The following CAPN11 variants were observed in gnomAD, a reference collection of about 807,000 sequenced individuals.
CAPN11 encodes calpain 11, also known as calpain-11.
A neutral mutation model predicts 105.3 loss-of-function variants in CAPN11; 108 were observed. That is an observed-to-expected ratio of 1.03 (90% CI 0.88 to 1.20). The LOEUF is 1.20. Ranked by LOEUF, CAPN11 falls within the 50% of genes most tolerant of loss-of-function variation. The pLI is 0.00. For synonymous variants in CAPN11, 329 were observed against 344.5 expected (o/e 0.96, Z 0.50); for missense variants, 883 against 924.8 (o/e 0.95, Z 0.59).
At chr6:44,181,468 CTCACATACAGACACA>C (rs1773237196) in intron 19 of CAPN11, 148 bp downstream of exon 19, 1 of 235,654 alleles carries the variant, frequency 4.2e-6, no homozygotes, top group African/African-American at 5.4e-5. Context: ...CACACACACA[CTCACATACAGACACA>C]ACCACACCAC....
chr6:44,181,519 GACACAACCACACCACACTCACACA>G (rs1773314310), intron 19 of CAPN11, among the ~76,000 whole-genome samples, 199 bp downstream of exon 19: 3 of 46,428 alleles, frequency 6.5e-5, no homozygotes, highest in Admixed American at 2.6e-4. Flanking sequence ...CTCACATACA[GACACAACCACACCACACTCACACA>G]CACACACACT....
Position 44,162,593 on chromosome 6 carries a change from C to G in CAPN11, c.16+3729C>G, listed in dbSNP as rs78862909. 2.2e-3 allele frequency among the ~76,000 whole-genome samples: 331 copies of G among 152,282 alleles called. 2 individuals are homozygous for G. Among genetic ancestry groups the G allele is most frequent in the African/African-American group, 7.8e-3 (322 of 41,546 alleles). ...TTCCCAGCCCTGATGCTTCCAGAAC[C>G]AGGACGTCAAAGTGCACCCCACCCT... On this transcript the variant is annotated intron_variant, in intron 1 of 22. Transcript: ENST00000398776.
chr6:44,161,812 C>G, intron 1 of CAPN11: 1 of 456,280 alleles, frequency 2.2e-6, no homozygotes, highest in Non-Finnish European at 4.4e-6. Flanking sequence ...GCTCAACACC[C>G]TCAGTCCTCG....
chr6:44,180,236 T>A (rs1353483076), intron 14 of CAPN11, 73 bp downstream of exon 14: 3 of 1,143,672 alleles, frequency 2.6e-6, no homozygotes, highest in Non-Finnish European at 3.8e-6. Flanking sequence ...AGGGAGCTGC[T>A]GTCGGGTCCT....
chr6:44,179,857 C>T, intron 13 of CAPN11, 95 bp from the exon 14 acceptor site: 2 of 1,051,192 alleles, frequency 1.9e-6, no homozygotes, highest in Non-Finnish European at 2.9e-6. Flanking sequence ...GTGGCACCTA[C>T]CTCCAACCCT....
At position 44,176,267 on chromosome 6, in the gene CAPN11, C is replaced by T. The variant is rs765577067; in HGVS notation, c.930C>T (p.Gly310=). The part of the protein sequence containing the change: ...VTGLQDVHYR[G]KMETLIRVRN... ...CGCCCACCCAGGTCCACTACAGAGGCAAAATGGAAACACTGATTCGGGTCC... is the reference window on the plus strand; with the variant it reads ...CGCCCACCCAGGTCCACTACAGAGGTAAAATGGAAACACTGATTCGGGTCC... The change falls in exon 9 of 23, where the codon GGC becomes GGT. Residue 310 remains glycine, a synonymous_variant. Transcript: ENST00000398776. The T allele has an allele frequency of 1.2e-6, 2 of 1,613,900 alleles. No homozygotes were observed. The highest frequency in any genetic ancestry group is 1.1e-5 in the South Asian group (1 of 91,080).
At position 44,169,327 on chromosome 6, in the gene CAPN11, C is replaced by A. The variant is rs757751808; in HGVS notation, c.135C>A (p.Ser45Arg). Residue 45 changes from serine (S) to arginine (R), a missense_variant, in exon 3 of 23, where the codon AGC becomes AGA. Transcript: ENST00000398776. ...GAATGGTGGCTCACATAAACAACAG[C>A]CGGCTCAAGGCCAAGGGCGTGGGCC... ...DTGMVAHINNSRLKAKGVGQH... is the reference protein window; with the variant it reads ...DTGMVAHINNRRLKAKGVGQH... 3 of 1,613,760 alleles carry A rather than the reference C, an allele frequency of 1.9e-6. No individual in the cohort carries two copies. The highest frequency in any genetic ancestry group is 2.2e-5 in the South Asian group (2 of 91,042).
intron 19 of CAPN11, among the ~76,000 whole-genome samples, chr6:44,182,291 A>C (rs199866095): frequency 1.1e-5 from 1 of 89,448 alleles, no homozygotes. Flanking sequence ...CACACCACAC[A>C]CACACACACA....
intron 12 of CAPN11, among the ~76,000 whole-genome samples, chr6:44,177,972 C>T (rs992788869): frequency 7.2e-5 from 11 of 152,170 alleles, no homozygotes; most frequent in African/African-American, 2.7e-4. Flanking sequence ...ATCCTTCCAC[C>T]TCAGCCTCCT....
rs2128320245 is a variant in CAPN11, at chr6:44,183,989, C to A, written c.*57C>A. 1 of 1,544,120 alleles carries A rather than the reference C, an allele frequency of 6.5e-7. No individual in the cohort carries two copies. The highest frequency in any genetic ancestry group is 8.8e-7 in the Non-Finnish European group (1 of 1,140,824). ...GCAGCAGCAGCAGCGAGGTTCTAGC[C>A]CAGGAGGGTGGGGTGCTTCTTGTAG... On this transcript the variant is annotated 3_prime_UTR_variant, in exon 23 of 23. Coordinates refer to ENST00000398776, the MANE Select transcript of CAPN11 (RefSeq NM_007058.4).
chr6:44,160,904 C>T (rs1335402751), intron 1 of CAPN11, among the ~76,000 whole-genome samples: 1 of 152,152 alleles, frequency 6.6e-6, no homozygotes, highest in East Asian at 1.9e-4. Flanking sequence ...GCTTACTGTG[C>T]CTAATTTATA....
In CAPN11 at chr6:44,184,227, C is replaced by G; in HGVS notation, c.*295C>G. On this transcript the variant is annotated 3_prime_UTR_variant, in exon 23 of 23. Coordinates refer to ENST00000398776, the MANE Select transcript of CAPN11 (RefSeq NM_007058.4). ...TTACTAAAGAGTAGTTGATGCTTCCCCAGGGTCCCCCTGGCTGGGGAGGCC... is the reference window on the plus strand; with the variant it reads ...TTACTAAAGAGTAGTTGATGCTTCCGCAGGGTCCCCCTGGCTGGGGAGGCC... 2.1e-6 allele frequency: 1 copy of G among 478,870 alleles called. No homozygotes were observed. 29.7% of individuals were successfully genotyped at this position (478,870 alleles called of 1,614,324 possible). A position where few individuals can be genotyped will look rare whatever the true frequency, so the allele number is the denominator to read the frequency against.
chr6:44,169,184 T>G (rs1770543610), intron 2 of CAPN11, 97 bp from the exon 3 acceptor site: 1 of 1,332,900 alleles, frequency 7.5e-7, no homozygotes, highest in African/African-American at 1.5e-5. Context: ...TCCTCCCACC[T>G]CAGCCTCCCA....
At chr6:44,175,195 C>T (rs1275269859) in intron 7 of CAPN11, among the ~76,000 whole-genome samples, 1 of 152,084 alleles carries the variant, frequency 6.6e-6, no homozygotes, top group Non-Finnish European at 1.5e-5. Context: ...TATCAGCATT[C>T]TGGGCTGGGC....
At chr6:44,181,473 A>T (rs1469555898) in intron 19 of CAPN11, among the ~76,000 whole-genome samples, 153 bp downstream of exon 19, 5 of 53,132 alleles carry the variant, frequency 9.4e-5, no homozygotes, top group African/African-American at 3.2e-4. Context: ...ACACACTCAC[A>T]TACAGACACA....
intron 2 of CAPN11, among the ~76,000 whole-genome samples, chr6:44,167,967 A>G (rs942277619): frequency 5.3e-5 from 8 of 152,096 alleles, no homozygotes; most frequent in African/African-American, 1.9e-4. Context: ...GTACAATTCC[A>G]GCTGGGTGTG....
chr6:44,161,893 G>A, intron 1 of CAPN11: 1 of 456,226 alleles, frequency 2.2e-6, no homozygotes, highest in Non-Finnish European at 4.4e-6. Flanking sequence ...GCCTTATCGT[G>A]TGAATGACCT....
intron 19 of CAPN11, 87 bp downstream of exon 19, chr6:44,181,407 A>C: frequency 3.9e-6 from 4 of 1,028,790 alleles, no homozygotes; most frequent in South Asian, 2.7e-5. Flanking sequence ...GCTAGAACCC[A>C]AGCCCTAACC....
chr6:44,184,266 G>C lies in CAPN11; in HGVS notation c.*334G>C, dbSNP rs1255745214. 3 of 412,438 alleles carry C rather than the reference G, an allele frequency of 7.3e-6. No homozygotes were observed. Among genetic ancestry groups the C allele is most frequent in the African/African-American group, 6.0e-5 (3 of 50,108 alleles). 25.5% of individuals were successfully genotyped at this position (412,438 alleles called of 1,614,324 possible). On this transcript the variant is annotated 3_prime_UTR_variant, in exon 23 of 23. Coordinates refer to ENST00000398776, the MANE Select transcript of CAPN11 (RefSeq NM_007058.4). ...GCTGGGGAGGCCAAGAATAGGGAAGGGACTTGTAGCCCGTTTCTTACCCTC... is the reference window on the plus strand; with the variant it reads ...GCTGGGGAGGCCAAGAATAGGGAAGCGACTTGTAGCCCGTTTCTTACCCTC...
Sources: gnomAD v4.1 joint callset for allele counts (sites outside exome capture counted in the v4.1 genomes callset) on GRCh38, gnomAD v4.1.1 for gene constraint, MANE v1.5 for transcripts, NCBI Gene and HGNC (gene_info 2026-07-23, HGNC 2026-07-21) for gene names.